The following FAT3 variants were observed in gnomAD, a reference collection of about 807,000 sequenced individuals.
FAT3 encodes FAT atypical cadherin 3.
A neutral mutation model predicts 310.2 loss-of-function variants in FAT3; 95 were observed. The observed-to-expected ratio is 0.31, with a 90% CI of 0.26 to 0.36. FAT3 has a LOEUF of 0.36. FAT3 is among the 10% of genes least tolerant of loss of function. The pLI is 1.00. For missense variants in FAT3, 5,408 were observed against 5,715.6 expected, an observed-to-expected ratio of 0.95 and a Z score of 1.74; for synonymous variants, 2,314 against 2,192.9, an observed-to-expected ratio of 1.06 and a Z score of -1.54.
chr11:92,329,687 C>T (rs1257084297), intron 1 of FAT3, among the ~76,000 whole-genome samples: 1 of 810 alleles, frequency 1.2e-3, no homozygotes, highest in Non-Finnish European at 3.0e-3. Flanking sequence ...TTTTTAAAAA[C>T]TATTTGTGTT....
rs187443995 is a variant in FAT3 at position 92,649,318 on chromosome 11, G to A, written c.3608-48066G>A. ...GAGAGCACCATACAAATCAGCATTT[G>A]ATGCTTGTCTTAGGGTTTTATGATT... is the stretch of plus-strand genomic sequence containing the variant. On this transcript the variant is annotated intron_variant, in intron 3 of 27. Coordinates refer to ENST00000525166, the MANE Select transcript of FAT3 (RefSeq NM_001367949.2). Among the ~76,000 whole-genome samples the A allele has an allele frequency of 5.3e-3, 806 of 152,264 alleles. 6 individuals carry two copies. The highest frequency in any genetic ancestry group is 8.1e-3 in the Non-Finnish European group (549 of 68,004).
At chr11:92,815,626 A>G (rs1014352702) in intron 13 of FAT3, among the ~76,000 whole-genome samples, 2 of 152,180 alleles carry the variant, frequency 1.3e-5, no homozygotes, top group Non-Finnish European at 2.9e-5. Flanking sequence ...CCAGATTGAG[A>G]TTTCAGATGT....
At chr11:92,339,363 G>A (rs1305686885) in intron 1 of FAT3, among the ~76,000 whole-genome samples, 4 of 152,140 alleles carry the variant, frequency 2.6e-5, no homozygotes, top group Non-Finnish European at 5.9e-5. Context: ...TGTTTTCTTG[G>A]AGTTTCATAA....
chr11:92,672,340 C>G (rs1943155083), intron 3 of FAT3, among the ~76,000 whole-genome samples: 1 of 152,144 alleles, frequency 6.6e-6, no homozygotes, highest in Non-Finnish European at 1.5e-5. Context: ...GCAGCCTGCC[C>G]ATTGTCAGAT....
rs915935312 is a variant in FAT3 at position 92,815,239 on chromosome 11, A to G, written c.9481+5163A>G. On this transcript the variant is annotated intron_variant, in intron 13 of 27. Coordinates refer to ENST00000525166, the MANE Select transcript of FAT3 (RefSeq NM_001367949.2). The stretch of plus-strand genomic sequence containing the variant: ...TCCTAGGAGTGTATTAAGAAAAACA[A>G]TAAGGGCCAAAATGAGAGTGGTGGC... Among the ~76,000 whole-genome samples the G allele has an allele frequency of 7.9e-5, 12 of 152,292 alleles. 1 individual carries two copies. In the South Asian group the frequency reaches 2.1e-3, roughly 26 times the overall value.
intron 13 of FAT3, among the ~76,000 whole-genome samples, chr11:92,811,303 C>G (rs1947665811): frequency 6.6e-6 from 1 of 152,112 alleles, no homozygotes; most frequent in African/African-American, 2.4e-5. Context: ...GGAAATGAAT[C>G]ACTTAATCAT....
chr11:92,353,579 C>T lies in FAT3; in HGVS notation c.1467C>T (p.Thr489=). Residue 489 remains threonine, a synonymous_variant, in exon 2 of 28, where the codon ACC becomes ACT. Coordinates refer to ENST00000525166, the MANE Select transcript of FAT3 (RefSeq NM_001367949.2). ...TGAATGAAAGTGTCCCAGTGGGAAC[C>T]AGCGTTCTAACAGTTTCAGCTTCTG... The part of the protein sequence containing the change: ...AYVNESVPVG[T]SVLTVSASDK... 1 of 1,613,738 alleles carries T rather than the reference C, an allele frequency of 6.2e-7. No homozygotes were observed. The highest frequency in any genetic ancestry group is 8.5e-7 in the Non-Finnish European group (1 of 1,179,846).
chr11:92,303,563 T>C (rs1272971980), intron 1 of FAT3, among the ~76,000 whole-genome samples: 3 of 152,124 alleles, frequency 2.0e-5, no homozygotes, highest in Non-Finnish European at 4.4e-5. Context: ...TTCAACCAAG[T>C]GTCAGGCATT....
chr11:92,789,878 G>T, intron 7 of FAT3, 65 bp from the exon 8 acceptor site: 2 of 1,538,894 alleles, frequency 1.3e-6, no homozygotes, highest in South Asian at 2.4e-5. Flanking sequence ...AAGAGGGAGG[G>T]CATACTTTTA....
At chr11:92,508,240 A>G (rs2135299416) in intron 2 of FAT3, among the ~76,000 whole-genome samples, 1 of 152,230 alleles carries the variant, frequency 6.6e-6, no homozygotes, top group Admixed American at 6.5e-5. Flanking sequence ...TCATATGTGC[A>G]GTTATCTTTG....
intron 2 of FAT3, among the ~76,000 whole-genome samples, chr11:92,432,456 CCTTTTTGTTG>C (rs1950811736): frequency 1.3e-5 from 2 of 152,098 alleles, no homozygotes; most frequent in South Asian, 2.1e-4. Flanking sequence ...GAGTGGTCCT[CCTTTTTGTTG>C]ATGTTCATGC....
intron 1 of FAT3, among the ~76,000 whole-genome samples, chr11:92,310,646 C>CGT (rs1947273066): frequency 6.7e-6 from 1 of 149,578 alleles, no homozygotes; most frequent in Admixed American, 6.6e-5. Context: ...TGTGTATATA[C>CGT]GTGTGTGTGT....
chr11:92,733,769 A>G (rs1945258228), intron 4 of FAT3, among the ~76,000 whole-genome samples: 1 of 152,174 alleles, frequency 6.6e-6, no homozygotes, highest in Admixed American at 6.5e-5. Context: ...CCTTAGATAT[A>G]TGGGATGAAA....
rs565325877 is a variant in FAT3 at position 92,400,016 on chromosome 11, G to A, written c.3292+44612G>A. On this transcript the variant is annotated intron_variant, in intron 2 of 27. Transcript: ENST00000525166. Reference sequence around the variant, plus strand: ...TTGGGATGTATATATTCTTATTGAGGCACAGACTATTGGCTTTCCTTGGCT... The same window carrying A: ...TTGGGATGTATATATTCTTATTGAGACACAGACTATTGGCTTTCCTTGGCT... Among the ~76,000 whole-genome samples the A allele has an allele frequency of 9.2e-5, 14 of 152,244 alleles. No individual in the cohort carries two copies. In the South Asian group the frequency reaches 1.7e-3, roughly 18 times the overall value.
At chr11:92,528,829 C>T (rs769944149) in intron 3 of FAT3, among the ~76,000 whole-genome samples, 4 of 152,196 alleles carry the variant, frequency 2.6e-5, no homozygotes, top group Non-Finnish European at 4.4e-5. Context: ...ACAGGGCTGA[C>T]ATGCCAGTGT....
chr11:92,855,269 G>A (rs184580585), intron 19 of FAT3, among the ~76,000 whole-genome samples: 13 of 152,300 alleles, frequency 8.5e-5, no homozygotes, highest in Non-Finnish European at 1.5e-4. Flanking sequence ...TGGTTAGCTC[G>A]TTCCTTTGTT....
chr11:92,688,070 G>A lies in FAT3; in HGVS notation c.3608-9314G>A, dbSNP rs4102443. 6.2e-3 allele frequency among the ~76,000 whole-genome samples: 946 copies of A among 151,964 alleles called. 4 individuals carry two copies. Among genetic ancestry groups the A allele is most frequent in the Non-Finnish European group, 9.6e-3 (655 of 67,990 alleles). ...ATTTTTTTAACTAGCTGGGGATGAT[G>A]GTGCACCGGTAGTCTCAGCTACTTG... On this transcript the variant is annotated intron_variant, in intron 3 of 27. Transcript: ENST00000525166.
At chr11:92,499,458 C>A (rs1262171669) in intron 2 of FAT3, among the ~76,000 whole-genome samples, 2 of 151,914 alleles carry the variant, frequency 1.3e-5, no homozygotes, top group Non-Finnish European at 2.9e-5. Context: ...TAGAGTATGC[C>A]TTTAGTATTC....
At chr11:92,617,645 C>T (rs546890026) in intron 3 of FAT3, among the ~76,000 whole-genome samples, 8 of 152,238 alleles carry the variant, frequency 5.3e-5, no homozygotes, top group Middle Eastern at 3.4e-3. Flanking sequence ...ATGATGGTGA[C>T]GTACAGATGG....
Sources: allele counts gnomAD v4.1 joint callset (sites outside exome capture counted in the v4.1 genomes callset), GRCh38; gene constraint gnomAD v4.1.1; transcripts MANE v1.5; gene names NCBI Gene and HGNC (gene_info 2026-07-23, HGNC 2026-07-21).